The following ANO2 variants were observed in gnomAD, a reference collection of about 807,000 sequenced individuals.
ANO2 encodes the protein anoctamin-2.
Under a neutral mutation model 124.2 loss-of-function variants are expected in ANO2, and 101 were observed. That is an observed-to-expected ratio of 0.81 (90% CI 0.69 to 0.96). The LOEUF is 0.96. ANO2 is among the 40% of genes least tolerant of loss of function. The pLI, the probability that ANO2 is intolerant of heterozygous loss-of-function variation, is 0.00. For missense variants in ANO2, 1,293 were observed against 1,274.5 expected (o/e 1.01, Z -0.22); for synonymous variants, 486 against 482.5 (o/e 1.01, Z -0.09).
chr12:5,924,040 G>A (rs559088197), intron 1 of ANO2, among the ~76,000 whole-genome samples: 27 of 152,324 alleles, frequency 1.8e-4, no homozygotes, highest in African/African-American at 6.3e-4. Flanking sequence ...GTGATCAAAG[G>A]CTGTGATTAG....
intron 10 of ANO2, among the ~76,000 whole-genome samples, chr12:5,788,335 A>G (rs1000614641): frequency 4.6e-5 from 7 of 152,240 alleles, no homozygotes; most frequent in African/African-American, 1.4e-4. Flanking sequence ...TGCAACATCA[A>G]TGTAATAACA....
intron 23 of ANO2, among the ~76,000 whole-genome samples, chr12:5,571,237 C>T (rs1942095971): frequency 6.6e-6 from 1 of 152,180 alleles, no homozygotes; most frequent in Admixed American, 6.5e-5. Flanking sequence ...GTCAAGCCTA[C>T]ATCCGTCCTC....
chr12:5,691,103 G>A (rs1948918371), intron 14 of ANO2, among the ~76,000 whole-genome samples: 1 of 152,082 alleles, frequency 6.6e-6, no homozygotes, highest in South Asian at 2.1e-4. Context: ...GCTGAGGCAG[G>A]CAGATCACGA....
At chr12:5,808,433 T>C (rs1229900396) in intron 7 of ANO2, among the ~76,000 whole-genome samples, 2 of 152,182 alleles carry the variant, frequency 1.3e-5, no homozygotes, top group Non-Finnish European at 2.9e-5. Flanking sequence ...TGGTCTGTCC[T>C]AGGTCGCTGG....
intron 10 of ANO2, among the ~76,000 whole-genome samples, chr12:5,775,989 A>C (rs564217337): frequency 5.0e-4 from 76 of 152,326 alleles, no homozygotes; most frequent in African/African-American, 1.8e-3. Context: ...ACGTATCATG[A>C]TTGAGGGTGA....
intron 15 of ANO2, among the ~76,000 whole-genome samples, chr12:5,642,326 G>A (rs1463789088): frequency 1.3e-5 from 2 of 152,126 alleles, no homozygotes; most frequent in African/African-American, 4.8e-5. Context: ...TAGGTCTCCA[G>A]CCTGGACGTC....
rs1393767251 is a variant in ANO2, at chr12:5,658,128, T to G, written c.1546-10327A>C. Among the ~76,000 whole-genome samples, 1 of 152,210 alleles carries G rather than the reference T, an allele frequency of 6.6e-6. No individual in the cohort carries two copies. Among genetic ancestry groups the G allele is most frequent in the African/African-American group, 2.4e-5 (1 of 41,458 alleles). On this transcript the variant is annotated intron_variant, in intron 14 of 24. Transcript: ENST00000682330. The surrounding 1 kb of genome is among the most constrained non-coding windows in gnomAD (Gnocchi z 4.3). Reference sequence around the variant, plus strand: ...GCATCTCACCATGTCCTGGGAATACTGCAGTATGGTCTAGCCTGGAGGTGG... The same window carrying G: ...GCATCTCACCATGTCCTGGGAATACGGCAGTATGGTCTAGCCTGGAGGTGG...
chr12:5,884,461 C>T (rs556997497), intron 3 of ANO2, among the ~76,000 whole-genome samples: 2 of 152,348 alleles, frequency 1.3e-5, no homozygotes, highest in South Asian at 2.1e-4. Context: ...GCAATCACTG[C>T]ATCATGGCAA....
intron 1 of ANO2, among the ~76,000 whole-genome samples, chr12:5,939,461 C>CT (rs1030029839): frequency 2.0e-5 from 3 of 152,088 alleles, no homozygotes; most frequent in African/African-American, 7.2e-5. Flanking sequence ...CCATCCCTGC[C>CT]TTTGAGTATC....
chr12:5,938,068 C>G (rs1183782827), intron 1 of ANO2, among the ~76,000 whole-genome samples: 2 of 152,184 alleles, frequency 1.3e-5, no homozygotes, highest in Non-Finnish European at 2.9e-5. Flanking sequence ...ATATGCCTCA[C>G]CCTGTGCATG....
chr12:5,821,535 C>T (rs1953798228), intron 7 of ANO2, among the ~76,000 whole-genome samples: 1 of 152,208 alleles, frequency 6.6e-6, no homozygotes, highest in Admixed American at 6.5e-5. Flanking sequence ...TCCAATGGTG[C>T]TTGAGGTGTC....
intron 3 of ANO2, among the ~76,000 whole-genome samples, chr12:5,910,162 T>C (rs1040751646): frequency 1.3e-5 from 2 of 152,204 alleles, no homozygotes; most frequent in Admixed American, 6.5e-5. Flanking sequence ...TTTGATATGA[T>C]ACAAATCTAT....
chr12:5,663,429 G>C (rs1454597421), intron 14 of ANO2, among the ~76,000 whole-genome samples: 1 of 152,194 alleles, frequency 6.6e-6, no homozygotes, highest in African/African-American at 2.4e-5. Context: ...ACAGGGCCCA[G>C]GACTAGGCCC....
intron 19 of ANO2, 73 bp from the exon 20 acceptor site, chr12:5,599,702 A>G: frequency 6.6e-7 from 1 of 1,510,844 alleles, no homozygotes; most frequent in Non-Finnish European, 9.0e-7. Flanking sequence ...GAAAAAAGAA[A>G]AAGAACACAA....
intron 14 of ANO2, among the ~76,000 whole-genome samples, chr12:5,712,229 C>T (rs1192219463): frequency 2.6e-5 from 4 of 152,106 alleles, no homozygotes; most frequent in African/African-American, 9.7e-5. Flanking sequence ...GTGCTCCACC[C>T]ACTAAATGAT....
At chr12:5,571,194 G>A (rs1222212890) in intron 23 of ANO2, among the ~76,000 whole-genome samples, 1 of 152,246 alleles carries the variant, frequency 6.6e-6, no homozygotes, top group East Asian at 1.9e-4. Flanking sequence ...TCTGAGACAA[G>A]ATATCTATGC....
At chr12:5,610,983 T>TTTTTTTTTGCTTTTTTTTTCG (rs1555100751) in intron 19 of ANO2, among the ~76,000 whole-genome samples, 1 of 121,658 alleles carries the variant, frequency 8.2e-6, no homozygotes, top group Non-Finnish European at 1.8e-5. Flanking sequence ...TTTTTTTTTT[T>TTTTTTTTTGCTTTTTTTTTCG]TTTTTTGAGA....
chr12:5,851,633 C>A (rs536489070), intron 4 of ANO2, among the ~76,000 whole-genome samples: 1 of 146,438 alleles, frequency 6.8e-6, no homozygotes, highest in Admixed American at 6.9e-5. Flanking sequence ...TGCAGTGAGC[C>A]GAGATCACAC....
At chr12:5,767,634 T>C (rs79758383) in intron 10 of ANO2, among the ~76,000 whole-genome samples, 4,141 of 152,340 alleles carry the variant, frequency 0.027, 75 homozygotes, top group Non-Finnish European at 0.038. Flanking sequence ...TAGATTCAGA[T>C]GGTGAAACAG....
Sources: allele counts gnomAD v4.1 joint callset (sites outside exome capture counted in the v4.1 genomes callset), GRCh38; gene constraint gnomAD v4.1.1; non-coding constraint Gnocchi (gnomAD v3.1); transcripts MANE v1.5; gene names NCBI Gene and HGNC (gene_info 2026-07-23, HGNC 2026-07-21).